The following TPR variants were observed in gnomAD, a reference collection of about 807,000 sequenced individuals.
The protein encoded by TPR is nucleoprotein TPR.
A neutral mutation model predicts 316.1 loss-of-function variants in TPR; 51 were observed. The observed-to-expected ratio is 0.16, with a 90% CI of 0.13 to 0.20. The LOEUF (loss-of-function observed/expected upper bound fraction) is 0.20. Ranked by LOEUF, TPR falls within the 10% of genes least tolerant of loss-of-function variation. TPR has a pLI of 1.00. For missense variants in TPR, 2,272 were observed against 2,754.8 expected (o/e 0.82, Z 3.92); for synonymous variants, 981 against 914.7 (o/e 1.07, Z -1.31).
At chr1:186,351,019 C>T (rs1658845844) in intron 20 of TPR, among the ~76,000 whole-genome samples, 1 of 152,216 alleles carries the variant, frequency 6.6e-6, no homozygotes, top group African/African-American at 2.4e-5. Flanking sequence ...GCACACTGCT[C>T]TGGGCCCACC....
intron 4 of TPR, among the ~76,000 whole-genome samples, chr1:186,366,433 T>A (rs1047113548): frequency 1.3e-5 from 2 of 152,216 alleles, no homozygotes; most frequent in African/African-American, 4.8e-5. Context: ...TATGACAATC[T>A]ACTGTGTATG....
Position 186,357,501 on chromosome 1 carries a change from G to A in TPR, c.1620C>T (p.Tyr540=), listed in dbSNP as rs1219851105. ...SEVISQHLVS[Y]RNIEELQQQN... ...GTTGTTGAAGCTCTTCAATATTTCTGTAAGATACTAGATGCTGTGATATTA... is the reference window on the plus strand; with the variant it reads ...GTTGTTGAAGCTCTTCAATATTTCTATAAGATACTAGATGCTGTGATATTA... Residue 540 remains tyrosine, a synonymous_variant, in exon 14 of 51, where the codon TAC becomes TAT. Coordinates refer to ENST00000367478, the MANE Select transcript of TPR (RefSeq NM_003292.3). 1.2e-6 allele frequency: 2 copies of A among 1,613,850 alleles called. No homozygotes were observed. The highest frequency in any genetic ancestry group is 1.7e-6 in the Non-Finnish European group (2 of 1,180,000).
At position 186,321,602 on chromosome 1, in the gene TPR, C is replaced by T. The variant is rs376098994; in HGVS notation, c.6461+716G>A. Among the ~76,000 whole-genome samples, 8 of 152,170 alleles carry T rather than the reference C, an allele frequency of 5.3e-5. No individual in the cohort carries two copies. The East Asian group carries it at 1.5e-3, about 29-fold the overall frequency. On this transcript the variant is annotated intron_variant, in intron 45 of 50. Coordinates refer to ENST00000367478, the MANE Select transcript of TPR (RefSeq NM_003292.3). ...AGTTATGAGGTTAAATAAACTAATG[C>T]ATGAAAATGCTCAATAAATGCTAGC...
chr1:186,363,105 A>G (rs1659243573), intron 5 of TPR, 104 bp from the exon 6 acceptor site: 1 of 1,284,308 alleles, frequency 7.8e-7, no homozygotes, highest in Non-Finnish European at 1.1e-6. Context: ...TTATTTCAAA[A>G]CAGAAATTAA....
intron 45 of TPR, among the ~76,000 whole-genome samples, chr1:186,321,366 G>A (rs1487121918): frequency 3.3e-5 from 5 of 152,146 alleles, no homozygotes; most frequent in South Asian, 4.1e-4. Flanking sequence ...CCTTAGCCAC[G>A]AATAAATGTG....
chr1:186,356,257 T>C (rs1041542373), intron 15 of TPR, 29 bp downstream of exon 15: 2 of 1,545,888 alleles, frequency 1.3e-6, no homozygotes, highest in Admixed American at 1.8e-5. Flanking sequence ...TTCTAAATTA[T>C]TCCTTAAAAT....
chr1:186,323,993 A>T (rs764748677), intron 42 of TPR, 123 bp from the exon 43 acceptor site: 6 of 1,008,400 alleles, frequency 6.0e-6, no homozygotes, highest in Non-Finnish European at 8.4e-6. Flanking sequence ...TCAGAAGTAA[A>T]GTAGTGAGGT....
At position 186,322,310 on chromosome 1, in the gene TPR, T is replaced by C. The variant is rs921517653; in HGVS notation, c.6461+8A>G. 6.2e-7 allele frequency: 1 copy of C among 1,602,198 alleles called. No individual in the cohort carries two copies. Among genetic ancestry groups the C allele is most frequent in the Non-Finnish European group, 8.5e-7 (1 of 1,175,842 alleles). On this transcript the variant is annotated splice_region_variant and intron_variant, in intron 45 of 50. Coordinates refer to ENST00000367478, the MANE Select transcript of TPR (RefSeq NM_003292.3). ...GTTATAAAGTATGTTTCTCTTTCATTAACTTACTGAATTGCTTCAGCAAAT... is the reference window on the plus strand; with the variant it reads ...GTTATAAAGTATGTTTCTCTTTCATCAACTTACTGAATTGCTTCAGCAAAT...
Position 186,312,702 on chromosome 1 carries a change from C to A in TPR, c.*1269G>T, listed in dbSNP as rs984711489. On this transcript the variant is annotated 3_prime_UTR_variant, in exon 51 of 51. Transcript: ENST00000367478. ...AAAACTGAGATTAAAACTCAGATGT[C>A]TGGCTCTTTCCAAGATAGTACATTG... 1.5e-5 allele frequency: 23 copies of A among 1,524,652 alleles called. No individual in the cohort carries two copies. The highest frequency in any genetic ancestry group is 8.4e-5 in the Admixed American group (5 of 59,860). 94.4% of individuals were successfully genotyped at this position (1,524,652 alleles called of 1,614,324 possible). A position where few individuals can be genotyped will look rare whatever the true frequency, so the allele number is the denominator to read the frequency against.
In TPR at chr1:186,345,704, G is replaced by A. The variant is rs759743643; in HGVS notation, c.3097-8C>T. The A allele has an allele frequency of 6.3e-7, 1 of 1,586,916 alleles. No individual in the cohort carries two copies. Among genetic ancestry groups the A allele is most frequent in the South Asian group, 1.1e-5 (1 of 90,214 alleles). ...TTTCTTCAATTCAGATAACTAAGCA[G>A]AAAGAACAAGATTAAAACCAAAATT... is the stretch of plus-strand genomic sequence containing the variant. On this transcript the variant is annotated splice_polypyrimidine_tract_variant and splice_region_variant and intron_variant, in intron 23 of 50. Coordinates refer to ENST00000367478, the MANE Select transcript of TPR (RefSeq NM_003292.3).
chr1:186,345,447 T>G lies in TPR; in HGVS notation c.3213+133A>C. On this transcript the variant is annotated intron_variant, in intron 24 of 50. Coordinates refer to ENST00000367478, the MANE Select transcript of TPR (RefSeq NM_003292.3). ...TTCCATCTATACTTTTCAATTTGTC[T>G]TGTCTAAGTTCCACAAAAGTGGAAA... 5.8e-6 allele frequency: 4 copies of G among 687,256 alleles called. No homozygotes were observed. The South Asian group carries it at 8.0e-5, about 14-fold the overall frequency. 42.6% of individuals were successfully genotyped at this position (687,256 alleles called of 1,614,324 possible).
chr1:186,330,111 T>C (rs969982523), intron 39 of TPR, among the ~76,000 whole-genome samples: 8 of 152,192 alleles, frequency 5.3e-5, no homozygotes, highest in African/African-American at 9.7e-5. Context: ...CTATCATACA[T>C]TGTGATTTGA....
At chr1:186,345,989 GA>G (rs1431309953) in intron 23 of TPR, 145 bp downstream of exon 23, 2 of 843,778 alleles carry the variant, frequency 2.4e-6, no homozygotes, top group South Asian at 4.1e-5. Flanking sequence ...TAGAGGTACA[GA>G]AAAGAGTAAA....
At chr1:186,362,238 G>GT in intron 7 of TPR, 50 bp downstream of exon 7, 1 of 1,452,944 alleles carries the variant, frequency 6.9e-7, no homozygotes, top group Non-Finnish European at 9.6e-7. Context: ...TAACAGCTTC[G>GT]TAAGTGCTTT....
At chr1:186,353,188 C>T (rs1411268317) in intron 18 of TPR, among the ~76,000 whole-genome samples, 1 of 152,040 alleles carries the variant, frequency 6.6e-6, no homozygotes, top group East Asian at 1.9e-4. Context: ...CTGGCTAACA[C>T]AGTGAAACCC....
At chr1:186,317,637 C>T in intron 48 of TPR, 37 bp from the exon 49 acceptor site, 1 of 1,566,198 alleles carries the variant, frequency 6.4e-7, no homozygotes, top group South Asian at 1.1e-5. Context: ...CAAAACTGAT[C>T]CTACAGTCAA....
chr1:186,345,526 C>A, intron 24 of TPR, 54 bp downstream of exon 24: 1 of 1,382,502 alleles, frequency 7.2e-7, no homozygotes, highest in South Asian at 1.2e-5. Flanking sequence ...AAATATACTT[C>A]AAGAATCATT....
chr1:186,336,619 G>C lies in TPR; in HGVS notation c.4582C>G (p.Leu1528Val), dbSNP rs370992130. ...TVQLQSELSR[L>V]RQDLQDRTTQ... ...GTTCTATCTTGAAGATCCTGACGAA[G>C]TCGTGAAAGTTCAGACTGAAGTTGC... The change falls in exon 33 of 51, where the codon CTT becomes GTT. Residue 1528 changes from leucine to valine, a missense_variant. This residue lies in a region of TPR where 101 missense variants were observed against 113.0 expected (regional missense o/e 0.89). Transcript: ENST00000367478. The C allele has an allele frequency of 4.2e-5, 68 of 1,613,844 alleles. No individual in the cohort carries two copies. In the South Asian group the frequency reaches 4.3e-4, roughly 10 times the overall value.
rs777564210 is a variant in TPR at position 186,359,979 on chromosome 1, C to T, written c.1209G>A (p.Val403=). 6.8e-6 allele frequency: 11 copies of T among 1,608,412 alleles called. No homozygotes were observed. The Admixed American group carries it at 1.9e-4, about 27-fold the overall frequency. ...MKLTELYNAY[V]ETQDQLLLEK... Reference sequence around the variant, plus strand: ...CCAAAAGCAACTGATCCTGAGTTTCCACATAAGCATTATAGAGCTGAAAGT... The same window carrying T: ...CCAAAAGCAACTGATCCTGAGTTTCTACATAAGCATTATAGAGCTGAAAGT... Residue 403 remains valine, a synonymous_variant, in exon 12 of 51, where the codon GTG becomes GTA. Coordinates refer to ENST00000367478, the MANE Select transcript of TPR (RefSeq NM_003292.3).
Sources: gnomAD v4.1 joint callset for allele counts (sites outside exome capture counted in the v4.1 genomes callset) on GRCh38, gnomAD v4.1.1 for gene constraint, gnomAD v4.1.1 regional missense constraint, MANE v1.5 for transcripts, NCBI Gene and HGNC (gene_info 2026-07-23, HGNC 2026-07-21) for gene names.